Variants in MYLK observed in about 807,000 individuals in gnomAD.
MYLK encodes myosin light chain kinase.
In MYLK, 106 loss-of-function variants were observed where a neutral mutation model predicts 203.4. That is an observed-to-expected ratio of 0.52 (90% CI 0.45 to 0.61). The LOEUF is 0.61. Ranked by LOEUF, MYLK falls within the 20% of genes least tolerant of loss-of-function variation. The pLI, the probability that MYLK is intolerant of heterozygous loss-of-function variation, is 0.00. For missense variants in MYLK, 2,072 were observed against 2,442.3 expected (o/e 0.85, Z 3.20); for synonymous variants, 867 against 959.5 (o/e 0.90, Z 1.78).
At chr3:123,657,084 G>A (rs548948607) in intron 24 of MYLK, 42 bp downstream of exon 24, 12 of 1,604,932 alleles carry the variant, frequency 7.5e-6, no homozygotes, top group East Asian at 4.5e-5. Context: ...GGTCAGTCAC[G>A]CACATTTGTT....
At chr3:123,649,216 A>T in intron 24 of MYLK, 22 bp from the exon 25 acceptor site, 1 of 1,612,032 alleles carries the variant, frequency 6.2e-7, no homozygotes, top group Non-Finnish European at 8.5e-7. Flanking sequence ...ACAAGGAAGG[A>T]CAGAGAGGAC....
intron 5 of MYLK, among the ~76,000 whole-genome samples, chr3:123,746,835 A>G (rs1395960780): frequency 6.6e-6 from 1 of 152,222 alleles, no homozygotes; most frequent in Non-Finnish European, 1.5e-5. Context: ...ACCCCTAGAA[A>G]ATGAAGTCAT....
intron 16 of MYLK, among the ~76,000 whole-genome samples, chr3:123,702,959 C>T (rs756221754): frequency 9.8e-5 from 15 of 152,354 alleles, no homozygotes; most frequent in Non-Finnish European, 1.9e-4. Context: ...CAGTACAAAT[C>T]TGGTCTGGGA....
chr3:123,831,369 G>C, intron 3 of MYLK, 179 bp downstream of exon 3: 2 of 1,288,984 alleles, frequency 1.6e-6, no homozygotes, highest in South Asian at 2.5e-5. Context: ...AACAGACAAT[G>C]CTACAGCATA....
intron 19 of MYLK, among the ~76,000 whole-genome samples, chr3:123,684,993 A>G (rs2060401325): frequency 6.6e-6 from 1 of 152,190 alleles, no homozygotes; most frequent in Non-Finnish European, 1.5e-5. Flanking sequence ...AGGCACAAGA[A>G]AGCAAAGTAT....
At chr3:123,729,839 G>T (rs748886423) in intron 11 of MYLK, among the ~76,000 whole-genome samples, 1 of 150,930 alleles carries the variant, frequency 6.6e-6, no homozygotes, top group East Asian at 1.9e-4. Context: ...CTATTATCAC[G>T]CCACTGCACT....
intron 4 of MYLK, among the ~76,000 whole-genome samples, chr3:123,773,798 C>T (rs1247375454): frequency 6.6e-6 from 1 of 152,246 alleles, no homozygotes; most frequent in Non-Finnish European, 1.5e-5. Context: ...ATCCATCACA[C>T]ATCCAGTAGG....
chr3:123,647,910 TTCCCC>T (rs2059078797), intron 26 of MYLK, among the ~76,000 whole-genome samples: 2 of 152,158 alleles, frequency 1.3e-5, no homozygotes, highest in Non-Finnish European at 2.9e-5. Context: ...ATGGCATCTC[TTCCCC>T]TCCCTGCAGT....
chr3:123,856,816 A>C (rs890537591), intron 2 of MYLK, among the ~76,000 whole-genome samples: 1 of 152,218 alleles, frequency 6.6e-6, no homozygotes, highest in Non-Finnish European at 1.5e-5. Context: ...TAAACTAAAG[A>C]GTTTCTGCAC....
At chr3:123,756,711 A>G (rs531256891) in intron 4 of MYLK, among the ~76,000 whole-genome samples, 1 of 152,176 alleles carries the variant, frequency 6.6e-6, no homozygotes, top group Non-Finnish European at 1.5e-5. Context: ...GCTCACAAAC[A>G]TGAATAGACA....
rs199736263 is a variant in MYLK at position 123,738,916 on chromosome 3, G to C, written c.569C>G (p.Pro190Arg). The change falls in exon 7 of 34, where the codon CCG (proline) becomes CGG (arginine). Residue 190 changes from proline to arginine, a missense_variant. Physicochemically the swap from Pro to Arg is moderately radical, Grantham distance 103. Coordinates refer to ENST00000360304, the MANE Select transcript of MYLK (RefSeq NM_053025.4). The stretch of plus-strand genomic sequence containing the variant: ...CCTCACCTTGAGCCAGGTGACCTGC[G>C]GTTGGGGCCGGCCAGTGATCTTGCA... The part of the protein sequence containing the change: ...FSCKITGRPQ[P>R]QVTWLKGNVP... 8 of 1,611,654 alleles carry C rather than the reference G, an allele frequency of 5.0e-6. No homozygotes were observed. The highest frequency in any genetic ancestry group is 6.8e-6 in the Non-Finnish European group (8 of 1,178,886).
intron 29 of MYLK, among the ~76,000 whole-genome samples, chr3:123,636,202 T>C (rs1022322543): frequency 2.6e-5 from 4 of 152,218 alleles, no homozygotes; most frequent in Non-Finnish European, 5.9e-5. Flanking sequence ...CCTGGGACTG[T>C]TCCCATGTTA....
At chr3:123,701,980 G>C (rs13080634) in intron 16 of MYLK, among the ~76,000 whole-genome samples, 1 of 152,030 alleles carries the variant, frequency 6.6e-6, no homozygotes, top group South Asian at 2.1e-4. Context: ...TCTCTTGCTC[G>C]GGAATGGAAG....
intron 3 of MYLK, among the ~76,000 whole-genome samples, chr3:123,826,634 A>G (rs1484843939): frequency 6.6e-6 from 1 of 152,212 alleles, no homozygotes; most frequent in Non-Finnish European, 1.5e-5. Flanking sequence ...CCTGGCCAAA[A>G]TAACAGCCCT....
chr3:123,739,851 T>G (rs1275672624), intron 6 of MYLK, 102 bp downstream of exon 6: 2 of 1,296,724 alleles, frequency 1.5e-6, no homozygotes, highest in Non-Finnish European at 2.2e-6. Context: ...CCTTTGGTTA[T>G]TATAACCTAG....
At chr3:123,834,700 T>C (rs904595532) in intron 2 of MYLK, among the ~76,000 whole-genome samples, 1 of 152,208 alleles carries the variant, frequency 6.6e-6, no homozygotes, top group African/African-American at 2.4e-5. Context: ...TAAAGCATTT[T>C]GTCTTGCCTA....
chr3:123,751,766 T>C (rs2063200379), intron 5 of MYLK, among the ~76,000 whole-genome samples: 1 of 151,646 alleles, frequency 6.6e-6, no homozygotes, highest in South Asian at 2.1e-4. Flanking sequence ...TCGAGTGGGG[T>C]GAGAAGATGG....
At chr3:123,824,238 C>T (rs1003096957) in intron 3 of MYLK, among the ~76,000 whole-genome samples, 1 of 152,068 alleles carries the variant, frequency 6.6e-6, no homozygotes, top group Non-Finnish European at 1.5e-5. Flanking sequence ...TACAGGCCTA[C>T]ACCATCATGT....
chr3:123,661,242 G>A (rs889072138), intron 23 of MYLK, among the ~76,000 whole-genome samples: 2 of 152,188 alleles, frequency 1.3e-5, no homozygotes, highest in African/African-American at 2.4e-5. Context: ...GGGCTGGGGG[G>A]AGGGAGAGCT....
Sources: allele counts gnomAD v4.1 joint callset (sites outside exome capture counted in the v4.1 genomes callset), GRCh38; gene constraint gnomAD v4.1.1; transcripts MANE v1.5; gene names NCBI Gene and HGNC (gene_info 2026-07-23, HGNC 2026-07-21).